MCF2L2: variants seen among roughly 807,000 people sequenced by gnomAD.
The protein encoded by MCF2L2 is probable guanine nucleotide exchange factor MCF2L2.
In MCF2L2, 102 loss-of-function variants were observed where a neutral mutation model predicts 150.2. That is an observed-to-expected ratio of 0.68 (90% confidence interval 0.58 to 0.80). The LOEUF (loss-of-function observed/expected upper bound fraction) is 0.80. Among genes scored for constraint, MCF2L2 ranks in the 30% least tolerant of loss-of-function variants. The probability of loss-of-function intolerance (pLI) is 0.00; values close to 1 mark genes in which losing one functional copy is unlikely to be tolerated. For missense variants in MCF2L2, 1,256 were observed against 1,372.8 expected, an observed-to-expected ratio of 0.91 and a Z score of 1.34; for synonymous variants, 465 against 491.3, an observed-to-expected ratio of 0.95 and a Z score of 0.71.
At chr3:183,384,744 T>C (rs1480905994) in intron 2 of MCF2L2, among the ~76,000 whole-genome samples, 2 of 152,238 alleles carry the variant, frequency 1.3e-5, no homozygotes, top group East Asian at 3.9e-4. Context: ...TGAATTACTC[T>C]TTCTCTATTG....
chr3:183,377,057 G>C (rs1250597844), intron 3 of MCF2L2: 1 of 152,114 alleles, frequency 6.6e-6, no homozygotes, highest in African/African-American at 2.4e-5. Flanking sequence ...TAAGTTTTGG[G>C]ATACATGTAC....
intron 1 of MCF2L2, among the ~76,000 whole-genome samples, chr3:183,413,493 C>T (rs1186320666): frequency 6.6e-6 from 1 of 152,184 alleles, no homozygotes; most frequent in Non-Finnish European, 1.5e-5. Context: ...TAAAGACAAA[C>T]CCCACTTCAC....
chr3:183,387,287 A>G (rs191805485), intron 2 of MCF2L2, among the ~76,000 whole-genome samples: 336 of 152,044 alleles, frequency 2.2e-3, no homozygotes, highest in African/African-American at 7.7e-3. Flanking sequence ...AAAGCAAAGA[A>G]AAAAAGAAGA....
intron 3 of MCF2L2, among the ~76,000 whole-genome samples, chr3:183,370,295 A>G (rs1002200674): frequency 6.6e-6 from 1 of 152,212 alleles, no homozygotes; most frequent in Non-Finnish European, 1.5e-5. Context: ...GTGTGGAACC[A>G]GCAGATGCGG....
chr3:183,234,707 T>TTTTA (rs774291171), intron 15 of MCF2L2, among the ~76,000 whole-genome samples: 37 of 113,918 alleles, frequency 3.2e-4, no homozygotes, highest in South Asian at 1.7e-3. Flanking sequence ...TTTTTTTTTT[T>TTTTA]TTATTATACT....
At chr3:183,409,551 CTTTTTTTT>C (rs11336262) in intron 1 of MCF2L2, among the ~76,000 whole-genome samples, 7 of 121,748 alleles carry the variant, frequency 5.7e-5, no homozygotes, top group Non-Finnish European at 1.7e-5. Flanking sequence ...GCTAAAATTT[CTTTTTTTT>C]TTTTTTTTTT....
chr3:183,385,149 T>G (rs1713758939), intron 2 of MCF2L2, among the ~76,000 whole-genome samples: 2 of 152,098 alleles, frequency 1.3e-5, no homozygotes, highest in African/African-American at 4.8e-5. Flanking sequence ...GTGGAAATAT[T>G]ATTTTAGATA....
At chr3:183,241,247 G>T (rs1724014534) in intron 15 of MCF2L2, among the ~76,000 whole-genome samples, 3 of 152,158 alleles carry the variant, frequency 2.0e-5, no homozygotes. Flanking sequence ...AAGTAAGGGG[G>T]AATAGAAGAA....
At chr3:183,410,407 T>C (rs1373510998) in intron 1 of MCF2L2, among the ~76,000 whole-genome samples, 2 of 152,154 alleles carry the variant, frequency 1.3e-5, no homozygotes, top group Non-Finnish European at 2.9e-5. Context: ...CCTCAGATCA[T>C]TTGTTATCTG....
At chr3:183,232,729 T>C (rs897284170) in intron 15 of MCF2L2, among the ~76,000 whole-genome samples, 1 of 152,124 alleles carries the variant, frequency 6.6e-6, no homozygotes, top group Non-Finnish European at 1.5e-5. Flanking sequence ...GATATGAGAC[T>C]CGTGGAAAAA....
intron 3 of MCF2L2, among the ~76,000 whole-genome samples, chr3:183,354,355 C>T (rs1020899681): frequency 6.6e-6 from 1 of 152,158 alleles, no homozygotes; most frequent in Non-Finnish European, 1.5e-5. Context: ...CAGGTCTTTT[C>T]CTGATCCAGG....
At chr3:183,244,292 A>G (rs1042148844) in intron 15 of MCF2L2, among the ~76,000 whole-genome samples, 4 of 151,682 alleles carry the variant, frequency 2.6e-5, no homozygotes, top group Non-Finnish European at 5.9e-5. Context: ...TCAGACTCCA[A>G]GTTCTTCAGC....
At chr3:183,257,319 C>T (rs1431210569) in intron 15 of MCF2L2, among the ~76,000 whole-genome samples, 1 of 152,102 alleles carries the variant, frequency 6.6e-6, no homozygotes, top group Non-Finnish European at 1.5e-5. Flanking sequence ...TCTCTTTCAC[C>T]ACCATCAGGT....
chr3:183,191,545 C>T (rs1209846621), intron 27 of MCF2L2, among the ~76,000 whole-genome samples: 1 of 152,158 alleles, frequency 6.6e-6, no homozygotes, highest in Non-Finnish European at 1.5e-5. Context: ...ATTCGCCTTC[C>T]ACCACCACCG....
rs1331602925 is a variant in MCF2L2, at chr3:183,181,461, G to A, written c.3017-1302C>T. On this transcript the variant is annotated intron_variant, in intron 27 of 29. Coordinates refer to ENST00000328913, the MANE Select transcript of MCF2L2 (RefSeq NM_015078.4). This position sits in a 1 kb window ranked among gnomAD's most constrained non-coding sequence, Gnocchi z 4.3. Reference sequence around the variant, plus strand: ...AGTTCCTAGTCCCAGGAGGTGGGAGGGGCAAGGGGTGGAGGGCAGAGGAGA... The same window carrying A: ...AGTTCCTAGTCCCAGGAGGTGGGAGAGGCAAGGGGTGGAGGGCAGAGGAGA... Among the ~76,000 whole-genome samples the A allele has an allele frequency of 6.6e-6, 1 of 152,064 alleles. No homozygotes were observed. Among genetic ancestry groups the A allele is most frequent in the Non-Finnish European group, 1.5e-5 (1 of 67,988 alleles).
chr3:183,356,360 A>C (rs1359381332), intron 3 of MCF2L2, among the ~76,000 whole-genome samples: 3 of 152,062 alleles, frequency 2.0e-5, no homozygotes, highest in Non-Finnish European at 4.4e-5. Context: ...TAAAAATATA[A>C]AAATTAGTTG....
intron 10 of MCF2L2, among the ~76,000 whole-genome samples, chr3:183,303,184 ACT>A (rs772032144): frequency 1.7e-4 from 24 of 143,068 alleles, no homozygotes; most frequent in Non-Finnish European, 3.7e-4. Flanking sequence ...ACAGAATGAG[ACT>A]CTGTCTCCAA....
intron 15 of MCF2L2, among the ~76,000 whole-genome samples, chr3:183,261,628 AT>A (rs1027978054): frequency 1.3e-5 from 2 of 152,120 alleles, no homozygotes; most frequent in Non-Finnish European, 2.9e-5. Context: ...TATTAAATTG[AT>A]TTTTTAAATG....
chr3:183,303,032 A>C (rs1728931251), intron 10 of MCF2L2, among the ~76,000 whole-genome samples: 2 of 151,970 alleles, frequency 1.3e-5, no homozygotes, highest in African/African-American at 2.4e-5. Context: ...ATCTCTACTA[A>C]AAAGACAAAA....
Sources: gnomAD v4.1 joint callset for allele counts (sites outside exome capture counted in the v4.1 genomes callset) on GRCh38, gnomAD v4.1.1 for gene constraint, Gnocchi (gnomAD v3.1) non-coding constraint, MANE v1.5 for transcripts, NCBI Gene and HGNC (gene_info 2026-07-23, HGNC 2026-07-21) for gene names.